Variants in COG5 observed in about 807,000 individuals in gnomAD.
COG5 encodes the protein conserved oligomeric Golgi complex subunit 5.
In COG5, 86 loss-of-function variants were observed where a neutral mutation model predicts 110.4. The ratio of observed to expected loss-of-function variants is 0.78; its 90% CI spans 0.65 to 0.93. The LOEUF is 0.93. Ranked by LOEUF, COG5 falls within the 40% of genes least tolerant of loss-of-function variation. The pLI is 0.00. For missense variants in COG5, 1,077 were observed against 987.0 expected, an observed-to-expected ratio of 1.09 and a Z score of -1.22; for synonymous variants, 360 against 334.6, an observed-to-expected ratio of 1.08 and a Z score of -0.83.
chr7:107,336,926 T>A (rs992975521), intron 10 of COG5, among the ~76,000 whole-genome samples: 10 of 151,740 alleles, frequency 6.6e-5, no homozygotes, highest in African/African-American at 1.7e-4. Flanking sequence ...ATCCAGAACA[T>A]AGAAAGAACT....
Position 107,470,077 on chromosome 7 carries a change from C to T in COG5, c.538+57160G>A, listed in dbSNP as rs78436662. 25 of 152,194 alleles carry T rather than the reference C, an allele frequency of 1.6e-4. No homozygotes were observed. The East Asian group carries it at 3.5e-3, about 21-fold the overall frequency. 9.4% of individuals were successfully genotyped at this position (152,194 alleles called of 1,614,324 possible). A position where few individuals can be genotyped will look rare whatever the true frequency, so the allele number is the denominator to read the frequency against. On this transcript the variant is annotated intron_variant, in intron 6 of 21. Coordinates refer to ENST00000297135, the MANE Select transcript of COG5 (RefSeq NM_006348.5). Reference sequence around the variant, plus strand: ...AGGCTGTCATTCTGCAAAAGCTGCCCGAACAGGCTTTCCTCTGAAAAGCAG... The same window carrying T: ...AGGCTGTCATTCTGCAAAAGCTGCCTGAACAGGCTTTCCTCTGAAAAGCAG...
intron 14 of COG5, among the ~76,000 whole-genome samples, chr7:107,270,882 C>CTGTTTTTTT (rs1804209510): frequency 1.5e-5 from 1 of 68,726 alleles, no homozygotes; most frequent in Admixed American, 1.9e-4. Flanking sequence ...CTAACTAGAA[C>CTGTTTTTTT]TTTTTTTTTT....
intron 6 of COG5, among the ~76,000 whole-genome samples, chr7:107,502,132 G>C (rs999445832): frequency 1.3e-5 from 2 of 152,028 alleles, no homozygotes; most frequent in Non-Finnish European, 2.9e-5. Context: ...AGTGTACTTT[G>C]TACCTAATAT....
At position 107,201,578 on chromosome 7, in the gene COG5, A is replaced by G; in HGVS notation, c.*1938T>C. 2.1e-6 allele frequency: 1 copy of G among 467,828 alleles called. No homozygotes were observed. The highest frequency in any genetic ancestry group is 5.0e-5 in the South Asian group (1 of 20,062). 29.0% of individuals were successfully genotyped at this position (467,828 alleles called of 1,614,324 possible). A position where few individuals can be genotyped will look rare whatever the true frequency, so the allele number is the denominator to read the frequency against. Reference sequence around the variant, plus strand: ...CATTGAGTCTTGAAATGATTTAATAATATGAGTGAGGATTTGCTTTCTCCA... The same window carrying G: ...CATTGAGTCTTGAAATGATTTAATAGTATGAGTGAGGATTTGCTTTCTCCA... On this transcript the variant is annotated 3_prime_UTR_variant, in exon 22 of 22. Coordinates refer to ENST00000297135, the MANE Select transcript of COG5 (RefSeq NM_006348.5).
chr7:107,462,195 G>A (rs1036585335), intron 6 of COG5, among the ~76,000 whole-genome samples: 1 of 152,130 alleles, frequency 6.6e-6, no homozygotes, highest in Non-Finnish European at 1.5e-5. Context: ...TTGAGTACCT[G>A]GGGAAGACAA....
intron 7 of COG5, among the ~76,000 whole-genome samples, chr7:107,376,226 CCT>C (rs1814625114): frequency 6.6e-6 from 1 of 152,002 alleles, no homozygotes; most frequent in African/African-American, 2.4e-5. Flanking sequence ...CAATCCTCTG[CCT>C]CTGTTCTTCA....
chr7:107,548,890 A>T (rs1422143582), intron 3 of COG5, among the ~76,000 whole-genome samples: 2 of 152,224 alleles, frequency 1.3e-5, no homozygotes, highest in African/African-American at 4.8e-5. Context: ...TTTATTATTT[A>T]GGCTTTCAAT....
intron 21 of COG5, chr7:107,208,047 C>G (rs1798901908): frequency 5.1e-6 from 5 of 985,388 alleles, no homozygotes; most frequent in Non-Finnish European, 6.0e-6. Context: ...AGAAATTCAT[C>G]CAGTGATGCT....
At chr7:107,208,861 C>A (rs912313940) in intron 21 of COG5, 2 of 985,480 alleles carry the variant, frequency 2.0e-6, no homozygotes, top group African/African-American at 3.5e-5. Context: ...TTCTTACTGA[C>A]CTGTCATAGC....
intron 13 of COG5, among the ~76,000 whole-genome samples, chr7:107,283,280 G>GT: frequency 6.6e-6 from 1 of 152,174 alleles, no homozygotes; most frequent in East Asian, 1.9e-4. Context: ...CTTGTGTAAC[G>GT]TAAGAAATTT....
At chr7:107,300,851 C>T (rs751920615) in intron 11 of COG5, among the ~76,000 whole-genome samples, 3 of 152,070 alleles carry the variant, frequency 2.0e-5, no homozygotes, top group African/African-American at 4.8e-5. Flanking sequence ...CCAGAATAGT[C>T]AGGGCAACAA....
At chr7:107,228,776 T>TAAA (rs555581676) in intron 19 of COG5, among the ~76,000 whole-genome samples, 2 of 142,586 alleles carry the variant, frequency 1.4e-5, no homozygotes. Context: ...GTGTTGCCAT[T>TAAA]AAAAAAAAAA....
At chr7:107,374,849 C>T (rs1814494618) in intron 7 of COG5, among the ~76,000 whole-genome samples, 1 of 151,742 alleles carries the variant, frequency 6.6e-6, no homozygotes, top group Non-Finnish European at 1.5e-5. Flanking sequence ...ATAGATTATG[C>T]CAGTAAAAAA....
At chr7:107,232,864 C>T (rs756669346) in intron 18 of COG5, among the ~76,000 whole-genome samples, 1 of 152,234 alleles carries the variant, frequency 6.6e-6, no homozygotes, top group Non-Finnish European at 1.5e-5. Flanking sequence ...AGAGAATGAG[C>T]GGTCAGCTGC....
chr7:107,501,814 G>GT (rs2129136686), intron 6 of COG5, among the ~76,000 whole-genome samples: 1 of 152,160 alleles, frequency 6.6e-6, no homozygotes, highest in South Asian at 2.1e-4. Context: ...AGTCACATAT[G>GT]TAAGCAATTT....
chr7:107,527,438 G>C (rs1046693027), intron 5 of COG5, 81 bp from the exon 6 acceptor site: 4 of 1,478,604 alleles, frequency 2.7e-6, no homozygotes, highest in Admixed American at 3.4e-5. Flanking sequence ...AAGCACAGTG[G>C]GTTGATAGGT....
intron 6 of COG5, among the ~76,000 whole-genome samples, chr7:107,414,766 T>G (rs1792587432): frequency 7.5e-6 from 1 of 132,746 alleles, no homozygotes; most frequent in African/African-American, 2.8e-5. Flanking sequence ...CTTGCTCTGT[T>G]GCCAGGCTGG....
intron 10 of COG5, among the ~76,000 whole-genome samples, chr7:107,352,899 C>A (rs1370196627): frequency 6.6e-6 from 1 of 152,114 alleles, no homozygotes; most frequent in Middle Eastern, 3.2e-3. Flanking sequence ...CTTAATCCTG[C>A]AAATAAGAAT....
intron 14 of COG5, among the ~76,000 whole-genome samples, chr7:107,263,678 T>C (rs1240602589): frequency 6.6e-6 from 1 of 152,224 alleles, no homozygotes; most frequent in Non-Finnish European, 1.5e-5. Flanking sequence ...CAAGATACAC[T>C]ATTTTTTAAA....
Sources: allele counts gnomAD v4.1 joint callset (sites outside exome capture counted in the v4.1 genomes callset), GRCh38; gene constraint gnomAD v4.1.1; transcripts MANE v1.5; gene names NCBI Gene and HGNC (gene_info 2026-07-23, HGNC 2026-07-21).